Variants in RBFOX1 observed in about 807,000 individuals in gnomAD.
RBFOX1 encodes RNA binding fox-1 homolog 1.
A neutral mutation model predicts 57.7 loss-of-function variants in RBFOX1; 8 were observed. The ratio of observed to expected loss-of-function variants is 0.14; its 90% CI spans 0.08 to 0.25. The LOEUF is 0.25. RBFOX1 is among the 10% of genes least tolerant of loss of function. The pLI is 1.00. For missense variants in RBFOX1, 611 were observed against 548.5 expected (o/e 1.11, Z -1.14); for synonymous variants, 326 against 222.4 (o/e 1.47, Z -4.15).
chr16:6,201,425 C>T (rs6500764), intron 1 of RBFOX1, among the ~76,000 whole-genome samples: 1,538 of 152,198 alleles, frequency 0.01, 26 homozygotes, highest in African/African-American at 0.035. Flanking sequence ...TCAACAACAG[C>T]GTATAAGGAT....
intron 1 of RBFOX1, among the ~76,000 whole-genome samples, chr16:6,251,896 A>T (rs903211186): frequency 6.6e-6 from 1 of 152,050 alleles, no homozygotes; most frequent in African/African-American, 2.4e-5. Flanking sequence ...CCTTACTTAC[A>T]AGGCGGCTGT....
intron 2 of RBFOX1, among the ~76,000 whole-genome samples, chr16:6,397,102 C>A (rs1356855910): frequency 6.6e-6 from 1 of 151,864 alleles, no homozygotes; most frequent in Non-Finnish European, 1.5e-5. Flanking sequence ...CTTGGAGTCC[C>A]AGAAAGAGGA....
intron 2 of RBFOX1, among the ~76,000 whole-genome samples, chr16:6,429,824 T>C (rs1458230390): frequency 1.3e-5 from 2 of 152,122 alleles, no homozygotes; most frequent in Non-Finnish European, 2.9e-5. Context: ...TGCACCTCTT[T>C]CCTGCCCAGC....
rs1340741015 is a variant in RBFOX1 at position 6,908,620 on chromosome 16, G to A, written c.-15-143437G>A. Among the ~76,000 whole-genome samples the A allele has an allele frequency of 2.0e-5, 3 of 152,186 alleles. No individual in the cohort carries two copies. The East Asian group carries it at 5.8e-4, about 29-fold the overall frequency. ...GAACCCCCGTGATTTAGGTGGAAAT[G>A]GTTAATGAATCCTATCCTATTTCTT... On this transcript the variant is annotated intron_variant, in intron 3 of 15. Coordinates refer to ENST00000550418, the MANE Select transcript of RBFOX1 (RefSeq NM_018723.4).
chr16:7,236,360 C>T (rs1217574582), intron 4 of RBFOX1, among the ~76,000 whole-genome samples: 1 of 152,120 alleles, frequency 6.6e-6, no homozygotes. Flanking sequence ...GAACATTTCT[C>T]CCCTTCCTAT....
intron 5 of RBFOX1, among the ~76,000 whole-genome samples, chr16:7,534,068 G>T (rs1012365010): frequency 4.0e-5 from 6 of 149,780 alleles, no homozygotes; most frequent in Non-Finnish European, 7.4e-5. Flanking sequence ...TCATGTCAAA[G>T]GTCCCAACGT....
chr16:7,060,160 G>A (rs140212755), intron 4 of RBFOX1, among the ~76,000 whole-genome samples: 1 of 152,120 alleles, frequency 6.6e-6, no homozygotes, highest in Non-Finnish European at 1.5e-5. Flanking sequence ...TTTAGGACCT[G>A]AAGGCCATAG....
At chr16:5,905,969 A>G (rs192950703) in intron 4 of RBFOX1, among the ~76,000 whole-genome samples, 36 of 152,264 alleles carry the variant, frequency 2.4e-4, no homozygotes, top group Admixed American at 5.9e-4. Context: ...CCAAAGCCCT[A>G]CCTTAGGATG....
chr16:7,155,066 T>C (rs1350312336), intron 4 of RBFOX1, among the ~76,000 whole-genome samples: 1 of 152,150 alleles, frequency 6.6e-6, no homozygotes, highest in Non-Finnish European at 1.5e-5. Context: ...CTTATGTGTG[T>C]GTGTTTCTTC....
chr16:6,748,181 C>G (rs1024091536), intron 3 of RBFOX1, among the ~76,000 whole-genome samples: 16 of 151,952 alleles, frequency 1.1e-4, no homozygotes, highest in African/African-American at 3.9e-4. Flanking sequence ...GCAATAAATG[C>G]ATATTTAATT....
chr16:6,972,949 C>T (rs1183638088), intron 3 of RBFOX1, among the ~76,000 whole-genome samples: 2 of 152,072 alleles, frequency 1.3e-5, no homozygotes, highest in Non-Finnish European at 2.9e-5. Context: ...CATGGTGAAA[C>T]CCCATCTCAA....
intron 4 of RBFOX1, among the ~76,000 whole-genome samples, chr16:7,406,476 A>G (rs2098342004): frequency 6.6e-6 from 1 of 152,202 alleles, no homozygotes; most frequent in South Asian, 2.1e-4. Context: ...GGGTGGATGG[A>G]TGTGGGTTTC....
rs1567355465 is a variant in RBFOX1, at chr16:6,060,122, G to GTTTTTTGTTTTTTTTTTTTTTTT, written c.-127+40136_-127+40137insGTTTTTTTTTTTTTTTTTTTTTT. ...ATTTGGCCCTAAAATTAGGATTAGGGTTTTTTTTTTTTTTTTTTTTTTTTT... is the reference window on the plus strand; with the variant it reads ...ATTTGGCCCTAAAATTAGGATTAGGGTTTTTTGTTTTTTTTTTTTTTTTTTTTTTTTTTTTTTTTTTTTTTTTT... On this transcript the variant is annotated intron_variant, in intron 1 of 15. Coordinates refer to ENST00000550418, the MANE Select transcript of RBFOX1 (RefSeq NM_018723.4). 3.1e-4 allele frequency among the ~76,000 whole-genome samples: 35 copies of GTTTTTTGTTTTTTTTTTTTTTTT among 114,204 alleles called. 1 individual carries two copies. Among genetic ancestry groups the GTTTTTTGTTTTTTTTTTTTTTTT allele is most frequent in the Admixed American group, 6.5e-4 (7 of 10,692 alleles). The allele number at this position is 114,204 out of a possible 152,430, so 74.9% of individuals were successfully genotyped here. A position where few individuals can be genotyped will look rare whatever the true frequency, so the allele number is the denominator to read the frequency against.
At chr16:6,660,129 G>C (rs1427259644) in intron 3 of RBFOX1, among the ~76,000 whole-genome samples, 1 of 151,834 alleles carries the variant, frequency 6.6e-6, no homozygotes, top group Non-Finnish European at 1.5e-5. Flanking sequence ...GGAAGCTGAG[G>C]TGGAGAATTG....
intron 11 of RBFOX1, among the ~76,000 whole-genome samples, chr16:7,634,048 C>T (rs1378293236): frequency 6.6e-6 from 1 of 152,174 alleles, no homozygotes; most frequent in Non-Finnish European, 1.5e-5. Flanking sequence ...GATTTTTCTT[C>T]TCCCAACAGT....
chr16:5,772,104 G>T (rs536813522), intron 3 of RBFOX1, among the ~76,000 whole-genome samples: 7 of 151,670 alleles, frequency 4.6e-5, no homozygotes, highest in African/African-American at 1.5e-4. Flanking sequence ...CCTGGGAGGC[G>T]GAGGTTGCAA....
In RBFOX1 at chr16:6,362,756, A is replaced by G. The variant is rs78218931; in HGVS notation, c.-64+45699A>G. On this transcript the variant is annotated intron_variant, in intron 2 of 15. Transcript: ENST00000550418. ...TGTGCAGTGGCCTGTGGGGAGATGG[A>G]TGGCTTATTTTTTATTGAATTTTGC... Among the ~76,000 whole-genome samples, 278 of 152,278 alleles carry G rather than the reference A, an allele frequency of 1.8e-3. 1 individual carries two copies. The highest frequency in any genetic ancestry group is 6.5e-3 in the African/African-American group (268 of 41,550).
intron 2 of RBFOX1, among the ~76,000 whole-genome samples, chr16:6,431,341 G>A (rs1199566835): frequency 6.6e-6 from 1 of 151,930 alleles, no homozygotes; most frequent in Non-Finnish European, 1.5e-5. Flanking sequence ...CAGGTGGATG[G>A]CAACAGAGGA....
chr16:6,617,047 A>G (rs963294826), intron 2 of RBFOX1, among the ~76,000 whole-genome samples: 7 of 152,066 alleles, frequency 4.6e-5, no homozygotes, highest in African/African-American at 1.7e-4. Context: ...TTACCGGTAT[A>G]CAGTGTTGAT....
Sources: gnomAD v4.1 joint callset for allele counts (sites outside exome capture counted in the v4.1 genomes callset) on GRCh38, gnomAD v4.1.1 for gene constraint, MANE v1.5 for transcripts, NCBI Gene and HGNC (gene_info 2026-07-23, HGNC 2026-07-21) for gene names.